MPLKIP: variants seen among roughly 807,000 people sequenced by gnomAD.
MPLKIP encodes M-phase-specific PLK1-interacting protein.
A neutral mutation model predicts 16.9 loss-of-function variants in MPLKIP; 16 were observed. The ratio of observed to expected loss-of-function variants is 0.94; its 90% CI spans 0.64 to 1.43. The LOEUF is 1.43. MPLKIP is among the 40% of genes most tolerant of loss of function. The probability of loss-of-function intolerance (pLI) is 0.00; values close to 1 mark genes in which losing one functional copy is unlikely to be tolerated. For missense variants in MPLKIP, 282 were observed against 237.6 expected (o/e 1.19, Z -1.23); for synonymous variants, 126 against 98.4 (o/e 1.28, Z -1.66).
intron 1 of MPLKIP, 126 bp from the exon 2 acceptor site, chr7:40,133,385 A>T (rs1048930106): frequency 2.5e-6 from 2 of 810,242 alleles, no homozygotes; most frequent in Non-Finnish European, 4.2e-6. Context: ...ATAATGTTCA[A>T]TTACAAAGTC....
rs889384376 is a variant in MPLKIP, at chr7:40,129,827, G to GT, written c.*3231dup. 1 of 151,962 alleles carries GT rather than the reference G, an allele frequency of 6.6e-6. No homozygotes were observed. Among genetic ancestry groups the GT allele is most frequent in the Non-Finnish European group, 1.5e-5 (1 of 68,020 alleles). The allele number at this position is 151,962 out of a possible 1,614,324, so 9.4% of individuals were successfully genotyped here. A position where few individuals can be genotyped will look rare whatever the true frequency, so the allele number is the denominator to read the frequency against. ...CTGTTAATGTTCAAAGGGAAGGGAC[G>GT]TAACTCCACATCTTGATAAGGGTAG... On this transcript the variant is annotated 3_prime_UTR_variant, in exon 2 of 2. Transcript: ENST00000306984.
chr7:40,126,789 A>G lies in MPLKIP; in HGVS notation c.*6270T>C, dbSNP rs1324380022. 1 of 151,318 alleles carries G rather than the reference A, an allele frequency of 6.6e-6. No individual in the cohort carries two copies. Among genetic ancestry groups the G allele is most frequent in the Non-Finnish European group, 1.5e-5 (1 of 67,878 alleles). 9.4% of individuals were successfully genotyped at this position (151,318 alleles called of 1,614,324 possible). Reference sequence around the variant, plus strand: ...TATCTGAGAAGAGTTAACCCTAATTAAATAAAGCCGATTTTCTTTTTTTTT... The same window carrying G: ...TATCTGAGAAGAGTTAACCCTAATTGAATAAAGCCGATTTTCTTTTTTTTT... On this transcript the variant is annotated 3_prime_UTR_variant, in exon 2 of 2. Coordinates refer to ENST00000306984, the MANE Select transcript of MPLKIP (RefSeq NM_138701.4).
chr7:40,133,370 C>A (rs1787501520), intron 1 of MPLKIP, 111 bp from the exon 2 acceptor site: 2 of 925,580 alleles, frequency 2.2e-6, no homozygotes, highest in Non-Finnish European at 3.5e-6. Context: ...GTGACTTGAA[C>A]CTAAATAATG....
chr7:40,134,523 A>G lies in MPLKIP; in HGVS notation c.45T>C (p.Gly15=). ...NFRPPTPPYP[G]PGGGGWGSGS... is the part of the protein sequence containing the mutation. ...CGCTACCCCAACCTCCTCCACCCGGACCAGGGTAAGGAGGAGTTGGGGGCC... is the reference window on the plus strand; with the variant it reads ...CGCTACCCCAACCTCCTCCACCCGGGCCAGGGTAAGGAGGAGTTGGGGGCC... Residue 15 remains glycine (G), a synonymous_variant, in exon 1 of 2, where the codon GGT becomes GGC. Transcript: ENST00000306984. 1 of 1,595,208 alleles carries G rather than the reference A, an allele frequency of 6.3e-7. No individual in the cohort carries two copies. Among genetic ancestry groups the G allele is most frequent in the South Asian group, 1.1e-5 (1 of 88,428 alleles).
rs1562781466 is a variant in MPLKIP at position 40,133,063 on chromosome 7, CA to C, written c.535del (p.Cys179ValfsTer65). On this transcript the variant is annotated frameshift_variant, in exon 2 of 2. Transcript: ENST00000306984. LOFTEE classifies it high-confidence loss of function. ...TFTGKKGRYF[C>X] ...TCCAGTTGAATTTCAGAAATGTTAA[CA>C]AAAGTATCTTCCTTTTTTGCCTGTG... 1.2e-6 allele frequency: 2 copies of C among 1,613,406 alleles called. No homozygotes were observed. Among genetic ancestry groups the C allele is most frequent in the South Asian group, 1.1e-5 (1 of 91,068 alleles).
intron 1 of MPLKIP, among the ~76,000 whole-genome samples, chr7:40,133,886 TAAAAAAAAAAAAA>T (rs34937720): frequency 9.5e-6 from 1 of 105,556 alleles, no homozygotes; most frequent in Non-Finnish European, 1.9e-5. Context: ...GAAAGAAAGA[TAAAAAAAAAAAAA>T]AAAAAAAGAA....
At chr7:40,133,797 C>T (rs1337759131) in intron 1 of MPLKIP, among the ~76,000 whole-genome samples, 2 of 149,562 alleles carry the variant, frequency 1.3e-5, no homozygotes, top group Admixed American at 1.4e-4. Flanking sequence ...TTTGTATTTA[C>T]TCTCACTAAA....
rs1787445536 is a variant in MPLKIP at position 40,130,390 on chromosome 7, A to G, written c.*2669T>C. 1 of 152,246 alleles carries G rather than the reference A, an allele frequency of 6.6e-6. No individual in the cohort carries two copies. The highest frequency in any genetic ancestry group is 2.1e-4 in the South Asian group (1 of 4,834). 9.4% of individuals were successfully genotyped at this position (152,246 alleles called of 1,614,324 possible). A position where few individuals can be genotyped will look rare whatever the true frequency, so the allele number is the denominator to read the frequency against. ...CACAAGAATTTTGATAACTGAATACACTACTTACAGTGTATGCATCTTTCC... is the reference window on the plus strand; with the variant it reads ...CACAAGAATTTTGATAACTGAATACGCTACTTACAGTGTATGCATCTTTCC... On this transcript the variant is annotated 3_prime_UTR_variant, in exon 2 of 2. Coordinates refer to ENST00000306984, the MANE Select transcript of MPLKIP (RefSeq NM_138701.4).
rs191221788 is a variant in MPLKIP, at chr7:40,131,326, A to T, written c.*1733T>A. 1.3e-5 allele frequency: 2 copies of T among 152,138 alleles called. No individual in the cohort carries two copies. Among genetic ancestry groups the T allele is most frequent in the Non-Finnish European group, 2.9e-5 (2 of 68,036 alleles). The allele number at this position is 152,138 out of a possible 1,614,324, so 9.4% of individuals were successfully genotyped here. ...TGTTTTTACACGTTTCTTTCTGGGA[A>T]TGTTGAAACAAAAGTTTTACTAGCT... On this transcript the variant is annotated 3_prime_UTR_variant, in exon 2 of 2. Transcript: ENST00000306984.
Position 40,134,224 on chromosome 7 carries a change from A to G in MPLKIP, c.339+5T>C. 6 of 1,553,124 alleles carry G rather than the reference A, an allele frequency of 3.9e-6. No individual in the cohort carries two copies. Among genetic ancestry groups the G allele is most frequent in the Non-Finnish European group, 5.2e-6 (6 of 1,148,056 alleles). On this transcript the variant is annotated splice_donor_5th_base_variant and intron_variant, in intron 1 of 1. Transcript: ENST00000306984. ...AGCTCGGCAAACGCTGGCTATTATT[A>G]TTACCTGGGGGTGGGTCTGCTGCTG...
In MPLKIP at chr7:40,129,000, C is replaced by T. The variant is rs1787427464; in HGVS notation, c.*4059G>A. 6.8e-6 allele frequency: 1 copy of T among 148,006 alleles called. No homozygotes were observed. The highest frequency in any genetic ancestry group is 1.5e-5 in the Non-Finnish European group (1 of 67,234). 9.2% of individuals were successfully genotyped at this position (148,006 alleles called of 1,614,324 possible). Reference sequence around the variant, plus strand: ...CACCAAAACTAATCATGCTTTTTTACTAATCTTGAATATTTTAATTCTTAG... The same window carrying T: ...CACCAAAACTAATCATGCTTTTTTATTAATCTTGAATATTTTAATTCTTAG... On this transcript the variant is annotated 3_prime_UTR_variant, in exon 2 of 2. Coordinates refer to ENST00000306984, the MANE Select transcript of MPLKIP (RefSeq NM_138701.4).
Position 40,130,475 on chromosome 7 carries a change from AGC to A in MPLKIP, c.*2582_*2583del, listed in dbSNP as rs1787446757. On this transcript the variant is annotated 3_prime_UTR_variant, in exon 2 of 2. Transcript: ENST00000306984. ...AGGTCTCTAGAAGTAGATGTTGGTA[AGC>A]GTTAGCAAGAAATTTTACCTTTGTT... is the stretch of plus-strand genomic sequence containing the variant. 1 of 152,230 alleles carries A rather than the reference AGC, an allele frequency of 6.6e-6. No homozygotes were observed. The highest frequency in any genetic ancestry group is 2.4e-5 in the African/African-American group (1 of 41,472). 9.4% of individuals were successfully genotyped at this position (152,230 alleles called of 1,614,324 possible).
In MPLKIP at chr7:40,129,797, A is replaced by G. The variant is rs1267483557; in HGVS notation, c.*3262T>C. On this transcript the variant is annotated 3_prime_UTR_variant, in exon 2 of 2. Coordinates refer to ENST00000306984, the MANE Select transcript of MPLKIP (RefSeq NM_138701.4). ...CCCTCTAACTCTTTGAAAAAAAAAAAAAGTCTGTTAATGTTCAAAGGGAAG... is the reference window on the plus strand; with the variant it reads ...CCCTCTAACTCTTTGAAAAAAAAAAGAAGTCTGTTAATGTTCAAAGGGAAG... 6.6e-6 allele frequency: 1 copy of G among 151,826 alleles called. No homozygotes were observed. The highest frequency in any genetic ancestry group is 1.5e-5 in the Non-Finnish European group (1 of 67,988). 9.4% of individuals were successfully genotyped at this position (151,826 alleles called of 1,614,324 possible).
In MPLKIP at chr7:40,131,094, A is replaced by G. The variant is rs1787454282; in HGVS notation, c.*1965T>C. 1 of 152,140 alleles carries G rather than the reference A, an allele frequency of 6.6e-6. No homozygotes were observed. Among genetic ancestry groups the G allele is most frequent in the African/African-American group, 2.4e-5 (1 of 41,430 alleles). 9.4% of individuals were successfully genotyped at this position (152,140 alleles called of 1,614,324 possible). A position where few individuals can be genotyped will look rare whatever the true frequency, so the allele number is the denominator to read the frequency against. ...CACCTCTATGACACAGGTACTATTA[A>G]TTTTCTCATCTTACACATGAGAAAA... is the stretch of plus-strand genomic sequence containing the variant. On this transcript the variant is annotated 3_prime_UTR_variant, in exon 2 of 2. Transcript: ENST00000306984.
chr7:40,134,390 GCCTAGACCGGGGC>G lies in MPLKIP; in HGVS notation c.165_177del (p.Pro56ArgfsTer93). 6.4e-7 allele frequency: 1 copy of G among 1,560,464 alleles called. No homozygotes were observed. ...CGCGGAGAGTGACTGCTCCCGTACG[GCCTAGACCGGGGC>G]CCGTACGGCGGCGTGTGGTGCGGAC... On this transcript the variant is annotated frameshift_variant, in exon 1 of 2. Coordinates refer to ENST00000306984, the MANE Select transcript of MPLKIP (RefSeq NM_138701.4). LOFTEE classifies it high-confidence loss of function.
Position 40,134,601 on chromosome 7 carries a change from G to C in MPLKIP, c.-34C>G. On this transcript the variant is annotated 5_prime_UTR_variant, in exon 1 of 2. Transcript: ENST00000306984. Reference sequence around the variant, plus strand: ...CCAAAGCCGAAAACCTCGCAGCCGCGTTCTCCCACCGGAACTGTATCAACC... The same window carrying C: ...CCAAAGCCGAAAACCTCGCAGCCGCCTTCTCCCACCGGAACTGTATCAACC... 3 of 1,549,624 alleles carry C rather than the reference G, an allele frequency of 1.9e-6. No individual in the cohort carries two copies. The highest frequency in any genetic ancestry group is 2.6e-6 in the Non-Finnish European group (3 of 1,149,038).
Position 40,129,445 on chromosome 7 carries a change from C to T in MPLKIP, c.*3614G>A, listed in dbSNP as rs1346540560. ...CTTATTTTTGTGTTTTTAGTGGAGACGAGGCTTTACCATATTGGCCAGGCT... is the reference window on the plus strand; with the variant it reads ...CTTATTTTTGTGTTTTTAGTGGAGATGAGGCTTTACCATATTGGCCAGGCT... On this transcript the variant is annotated 3_prime_UTR_variant, in exon 2 of 2. Coordinates refer to ENST00000306984, the MANE Select transcript of MPLKIP (RefSeq NM_138701.4). The T allele has an allele frequency of 2.6e-5, 4 of 151,848 alleles. No homozygotes were observed. Among genetic ancestry groups the T allele is most frequent in the Non-Finnish European group, 5.9e-5 (4 of 67,958 alleles). 9.4% of individuals were successfully genotyped at this position (151,848 alleles called of 1,614,324 possible). A position where few individuals can be genotyped will look rare whatever the true frequency, so the allele number is the denominator to read the frequency against.
rs900833107 is a variant in MPLKIP, at chr7:40,134,501, T to C, written c.67A>G (p.Ser23Gly). The change falls in exon 1 of 2, where the codon AGC becomes GGC. Residue 23 changes from serine (S) to glycine (G), a missense_variant. Transcript: ENST00000306984. ...YPGPGGGGWG[S>G]GSSFRGTPGG... is the part of the protein sequence containing the mutation. ...GGGGTTCCCCGGAAGCTGCTTCCGC[T>C]ACCCCAACCTCCTCCACCCGGACCA... 5.0e-6 allele frequency: 8 copies of C among 1,585,366 alleles called. No individual in the cohort carries two copies. The highest frequency in any genetic ancestry group is 6.9e-6 in the Non-Finnish European group (8 of 1,167,566).
rs745890452 is a variant in MPLKIP, at chr7:40,130,686, GACA to G, written c.*2370_*2372del. 4.6e-5 allele frequency: 7 copies of G among 152,184 alleles called. No individual in the cohort carries two copies. In the East Asian group the frequency reaches 7.7e-4, roughly 17 times the overall value. The allele number at this position is 152,184 out of a possible 1,614,324, so 9.4% of individuals were successfully genotyped here. A position where few individuals can be genotyped will look rare whatever the true frequency, so the allele number is the denominator to read the frequency against. ...TTATCTCCAAATGTCATTTCCTAAA[GACA>G]ACATTTCTTACCTATAAAGTTCAAT... On this transcript the variant is annotated 3_prime_UTR_variant, in exon 2 of 2. Transcript: ENST00000306984.
Sources: gnomAD v4.1 joint callset for allele counts (sites outside exome capture counted in the v4.1 genomes callset) on GRCh38, gnomAD v4.1.1 for gene constraint, MANE v1.5 for transcripts, NCBI Gene and HGNC (gene_info 2026-07-23, HGNC 2026-07-21) for gene names.